INPP5A: variants seen among roughly 807,000 people sequenced by gnomAD.
INPP5A encodes the protein 43 kDa inositol polyphosphate 5-phophatase.
A neutral mutation model predicts 65.2 loss-of-function variants in INPP5A; 14 were observed. The ratio of observed to expected loss-of-function variants is 0.21; its 90% CI spans 0.14 to 0.34. The LOEUF (loss-of-function observed/expected upper bound fraction) is 0.34. INPP5A is among the 10% of genes least tolerant of loss of function. INPP5A has a pLI of 1.00. For missense variants in INPP5A, 431 were observed against 545.6 expected, an observed-to-expected ratio of 0.79 and a Z score of 2.09; for synonymous variants, 207 against 208.3, an observed-to-expected ratio of 0.99 and a Z score of 0.05.
chr10:132,726,794 G>T (rs769726045), intron 8 of INPP5A, 27 bp from the exon 9 acceptor site: 1 of 1,561,114 alleles, frequency 6.4e-7, no homozygotes, highest in Non-Finnish European at 8.8e-7. Context: ...CAGCGCCCTC[G>T]GTAACAAGTC....
intron 9 of INPP5A, among the ~76,000 whole-genome samples, chr10:132,733,007 G>A (rs948869452): frequency 6.6e-6 from 1 of 152,158 alleles, no homozygotes; most frequent in Non-Finnish European, 1.5e-5. Flanking sequence ...CCAAAATCAA[G>A]GTGTCCTAGC....
At chr10:132,542,557 A>AC (rs2070920048) in intron 1 of INPP5A, among the ~76,000 whole-genome samples, 1 of 151,124 alleles carries the variant, frequency 6.6e-6, no homozygotes, top group Non-Finnish European at 1.5e-5. Context: ...GGGCATCCTG[A>AC]CTCTCTACCG....
intron 9 of INPP5A, among the ~76,000 whole-genome samples, chr10:132,737,052 G>T (rs1846189196): frequency 1.3e-5 from 2 of 152,254 alleles, no homozygotes; most frequent in African/African-American, 4.8e-5. Context: ...GCTGTCGCTA[G>T]CCCTGTGTAT....
chr10:132,718,816 T>C (rs1845798535), intron 8 of INPP5A, among the ~76,000 whole-genome samples: 1 of 146,938 alleles, frequency 6.8e-6, no homozygotes, highest in African/African-American at 2.5e-5. Flanking sequence ...ACAGCTGTCT[T>C]GCGGGTTCTG....
chr10:132,632,299 C>G (rs976877313), intron 2 of INPP5A, among the ~76,000 whole-genome samples: 3 of 152,248 alleles, frequency 2.0e-5, no homozygotes, highest in Non-Finnish European at 4.4e-5. Flanking sequence ...GCCTAGAGCT[C>G]TGTGTGTGTC....
intron 5 of INPP5A, among the ~76,000 whole-genome samples, chr10:132,692,200 G>C (rs1187416543): frequency 1.3e-5 from 2 of 152,154 alleles, no homozygotes; most frequent in African/African-American, 4.8e-5. Context: ...GCTGAGGGAA[G>C]AATCAGCGAG....
intron 6 of INPP5A, among the ~76,000 whole-genome samples, chr10:132,701,884 A>G (rs1590936594): frequency 6.6e-6 from 1 of 152,334 alleles, no homozygotes; most frequent in African/African-American, 2.4e-5. Context: ...AAAGAGCTGG[A>G]GGTCTTCAGG....
intron 5 of INPP5A, among the ~76,000 whole-genome samples, chr10:132,694,334 C>T (rs574445305): frequency 1.3e-5 from 2 of 151,962 alleles, no homozygotes; most frequent in African/African-American, 2.4e-5. Flanking sequence ...CAAATGAAAA[C>T]GTAAATACAG....
rs1847181431 is a variant in INPP5A at position 132,782,432 on chromosome 10, T to C, written c.*403T>C. 1 of 252,580 alleles carries C rather than the reference T, an allele frequency of 4.0e-6. No homozygotes were observed. The highest frequency in any genetic ancestry group is 2.3e-5 in the African/African-American group (1 of 43,988). 15.6% of individuals were successfully genotyped at this position (252,580 alleles called of 1,614,324 possible). ...ACCCCCTCTGCCAGGTGGAGGTGTG[T>C]CCAGGGGCTGGGGAAGCCGAGACGG... On this transcript the variant is annotated 3_prime_UTR_variant, in exon 16 of 16. Transcript: ENST00000368594. The surrounding 1 kb of genome is among the most constrained non-coding windows in gnomAD (Gnocchi z 4.4).
chr10:132,768,012 C>T (rs2134677778), intron 12 of INPP5A, among the ~76,000 whole-genome samples: 1 of 142,532 alleles, frequency 7.0e-6, no homozygotes, highest in Non-Finnish European at 1.5e-5. Context: ...TGCCCAGTGG[C>T]ATTTCAGAAA....
chr10:132,703,912 CCA>C (rs778729869), intron 6 of INPP5A, among the ~76,000 whole-genome samples: 2 of 121,804 alleles, frequency 1.6e-5, no homozygotes, highest in South Asian at 3.0e-4. Context: ...GGCTTCACCC[CCA>C]CACACACACG....
intron 4 of INPP5A, among the ~76,000 whole-genome samples, chr10:132,669,724 C>T (rs2072858133): frequency 6.6e-6 from 1 of 152,190 alleles, no homozygotes; most frequent in African/African-American, 2.4e-5. Context: ...GCGGTTCGTG[C>T]TGGACTCTAG....
chr10:132,749,684 G>C, intron 10 of INPP5A, 72 bp downstream of exon 10: 2 of 1,594,768 alleles, frequency 1.3e-6, no homozygotes, highest in South Asian at 2.2e-5. Context: ...CTTCAGAGCC[G>C]CCCTGCCTGC....
chr10:132,685,233 C>T (rs562595987), intron 4 of INPP5A, among the ~76,000 whole-genome samples: 67 of 152,364 alleles, frequency 4.4e-4, no homozygotes, highest in African/African-American at 1.6e-3. Context: ...TGGCCTCCTC[C>T]CTCAACACTT....
At chr10:132,744,317 C>G (rs1329671564) in intron 9 of INPP5A, among the ~76,000 whole-genome samples, 1 of 152,222 alleles carries the variant, frequency 6.6e-6, no homozygotes, top group Admixed American at 6.5e-5. Flanking sequence ...GAGCCATCCC[C>G]CACCACCCAC....
intron 13 of INPP5A, among the ~76,000 whole-genome samples, chr10:132,778,867 C>T (rs1847111782): frequency 6.6e-6 from 1 of 152,248 alleles, no homozygotes; most frequent in South Asian, 2.1e-4. Context: ...CACCTGGGTA[C>T]AGGTGTGCCC....
intron 11 of INPP5A, among the ~76,000 whole-genome samples, chr10:132,756,382 ATG>A (rs770151230): frequency 2.7e-4 from 41 of 151,840 alleles, no homozygotes; most frequent in South Asian, 2.5e-3. Flanking sequence ...GTGTGTGTGT[ATG>A]TGTGCGTGTA....
In INPP5A at chr10:132,635,943, A is replaced by C. The variant is rs911800558; in HGVS notation, c.118-9925A>C. 3.3e-5 allele frequency among the ~76,000 whole-genome samples: 5 copies of C among 150,360 alleles called. No individual in the cohort carries two copies. In the East Asian group the frequency reaches 7.8e-4, roughly 24 times the overall value. On this transcript the variant is annotated intron_variant, in intron 2 of 15. Transcript: ENST00000368594. Reference sequence around the variant, plus strand: ...CAGTGAGCTGTGATCACACCACAGCACTTCAGCCTGGGTGACAGAGCGAAA... The same window carrying C: ...CAGTGAGCTGTGATCACACCACAGCCCTTCAGCCTGGGTGACAGAGCGAAA...
chr10:132,621,223 G>A (rs2072103198), intron 2 of INPP5A, among the ~76,000 whole-genome samples: 4 of 152,206 alleles, frequency 2.6e-5, no homozygotes, highest in Middle Eastern at 3.2e-3. Context: ...AACAGGGCAA[G>A]GCTGCCTGAT....
Sources: allele counts gnomAD v4.1 joint callset (sites outside exome capture counted in the v4.1 genomes callset), GRCh38; gene constraint gnomAD v4.1.1; non-coding constraint Gnocchi (gnomAD v3.1); transcripts MANE v1.5; gene names NCBI Gene and HGNC (gene_info 2026-07-23, HGNC 2026-07-21).